Variants in DCC observed in about 807,000 individuals in gnomAD.
DCC encodes the protein DCC netrin 1 receptor.
DCC carries 58 observed loss-of-function variants against 172.5 expected under a neutral mutation model. That is an observed-to-expected ratio of 0.34 (90% CI 0.27 to 0.42). DCC has a LOEUF of 0.42. Among genes scored for constraint, DCC ranks in the 10% least tolerant of loss-of-function variants. DCC has a pLI of 1.00. For missense variants in DCC, 1,740 were observed against 1,791.0 expected (o/e 0.97, Z 0.51); for synonymous variants, 709 against 644.5 (o/e 1.10, Z -1.52).
intron 2 of DCC, among the ~76,000 whole-genome samples, chr18:52,879,412 C>CTGTTTTTTTTTTTTTTTTT (rs2039448314): frequency 1.6e-5 from 1 of 62,356 alleles, no homozygotes; most frequent in East Asian, 5.8e-4. Context: ...TGTTGTTTGG[C>CTGTTTTTTTTTTTTTTTTT]TTTTTTTTTT....
chr18:53,226,398 G>A (rs867265511), intron 12 of DCC, among the ~76,000 whole-genome samples: 16 of 152,006 alleles, frequency 1.1e-4, no homozygotes, highest in African/African-American at 2.4e-4. Context: ...CTGACTTTTC[G>A]GTTTTTTTCC....
At chr18:53,022,955 T>C (rs977781739) in intron 5 of DCC, among the ~76,000 whole-genome samples, 4 of 152,108 alleles carry the variant, frequency 2.6e-5, no homozygotes, top group African/African-American at 4.8e-5. Context: ...AAGTTTGAAG[T>C]AGGCAACGAA....
At chr18:53,229,545 A>G (rs2056090236) in intron 12 of DCC, among the ~76,000 whole-genome samples, 1 of 152,086 alleles carries the variant, frequency 6.6e-6, no homozygotes, top group Non-Finnish European at 1.5e-5. Flanking sequence ...ATCTCCTCCC[A>G]GCTCTGTTTT....
chr18:52,923,306 C>A (rs2145485242), intron 3 of DCC, among the ~76,000 whole-genome samples: 1 of 152,232 alleles, frequency 6.6e-6, no homozygotes. Flanking sequence ...TTCCAAGCCA[C>A]AGAAGCAATA....
intron 1 of DCC, among the ~76,000 whole-genome samples, chr18:52,723,863 C>T (rs2036511097): frequency 6.6e-6 from 1 of 152,188 alleles, no homozygotes; most frequent in Admixed American, 6.5e-5. Context: ...AGCTGACCCT[C>T]AGGCATCCTA....
chr18:52,559,051 T>C (rs1276760801), intron 1 of DCC, among the ~76,000 whole-genome samples: 1 of 152,224 alleles, frequency 6.6e-6, no homozygotes, highest in African/African-American at 2.4e-5. Context: ...CTACTGCTTT[T>C]GTTTTTCTTT....
intron 2 of DCC, among the ~76,000 whole-genome samples, chr18:52,773,217 T>G (rs1371324607): frequency 2.0e-5 from 3 of 152,226 alleles, no homozygotes; most frequent in Non-Finnish European, 4.4e-5. Context: ...ATTTATTCTT[T>G]AAGTTGGTTA....
chr18:52,784,930 G>A (rs913922283), intron 2 of DCC, among the ~76,000 whole-genome samples: 4 of 138,502 alleles, frequency 2.9e-5, no homozygotes, highest in East Asian at 4.3e-4. Flanking sequence ...GAGAAGAGAA[G>A]GGGGGAGAGA....
chr18:52,739,785 C>A (rs946649505), intron 1 of DCC, among the ~76,000 whole-genome samples: 1 of 152,188 alleles, frequency 6.6e-6, no homozygotes, highest in African/African-American at 2.4e-5. Context: ...AGGTACTAAC[C>A]AAGAGCTTTC....
At chr18:53,036,134 C>T (rs1377724197) in intron 5 of DCC, among the ~76,000 whole-genome samples, 2 of 151,832 alleles carry the variant, frequency 1.3e-5, no homozygotes, top group Non-Finnish European at 2.9e-5. Context: ...TCATTTCAAG[C>T]TTAAAAACAC....
chr18:53,085,640 G>A (rs56291441), intron 7 of DCC, among the ~76,000 whole-genome samples: 22,740 of 151,904 alleles, frequency 0.15, 1,958 homozygotes, highest in African/African-American at 0.23. Context: ...CTATGTTACA[G>A]GGCTGACTTC....
intron 2 of DCC, among the ~76,000 whole-genome samples, chr18:52,759,872 C>T (rs1455428253): frequency 6.6e-6 from 1 of 151,960 alleles, no homozygotes; most frequent in South Asian, 2.1e-4. Flanking sequence ...AAATGAAGAC[C>T]CAAACCCCTA....
At chr18:52,857,677 G>C (rs1363860752) in intron 2 of DCC, among the ~76,000 whole-genome samples, 1 of 151,982 alleles carries the variant, frequency 6.6e-6, no homozygotes, top group Non-Finnish European at 1.5e-5. Context: ...TGTGAGAATT[G>C]ATCTCTTCTC....
At chr18:52,629,402 T>C (rs773913400) in intron 1 of DCC, among the ~76,000 whole-genome samples, 3 of 152,166 alleles carry the variant, frequency 2.0e-5, no homozygotes, top group Non-Finnish European at 4.4e-5. Context: ...CCTATGGAAA[T>C]GTGGGCATTA....
At chr18:52,889,990 T>A (rs2145419511) in intron 2 of DCC, among the ~76,000 whole-genome samples, 1 of 152,254 alleles carries the variant, frequency 6.6e-6, no homozygotes, top group East Asian at 1.9e-4. Context: ...AAATATAGAG[T>A]ACTATATCTG....
chr18:52,397,863 A>G (rs1986289756), intron 1 of DCC, among the ~76,000 whole-genome samples: 3 of 152,118 alleles, frequency 2.0e-5, no homozygotes, highest in East Asian at 1.9e-4. Context: ...GGCTCTGGAT[A>G]TATCTGATGG....
At chr18:52,874,616 C>A (rs1040422189) in intron 2 of DCC, among the ~76,000 whole-genome samples, 2 of 152,100 alleles carry the variant, frequency 1.3e-5, no homozygotes, top group African/African-American at 4.8e-5. Context: ...CTATTGCTAT[C>A]ACACATGTTC....
intron 1 of DCC, among the ~76,000 whole-genome samples, chr18:52,385,072 G>A (rs1046619435): frequency 6.6e-6 from 1 of 152,044 alleles, no homozygotes; most frequent in Non-Finnish European, 1.5e-5. Flanking sequence ...ATGCCTTCTA[G>A]GGTGATAAAA....
At chr18:53,468,144 A>G (rs1370213684) in intron 25 of DCC, 134 bp downstream of exon 25, 1 of 680,912 alleles carries the variant, frequency 1.5e-6, no homozygotes, top group Non-Finnish European at 2.7e-6. Context: ...AGGAATGACT[A>G]AAACCGTATC....
Sources: gnomAD v4.1 joint callset for allele counts (sites outside exome capture counted in the v4.1 genomes callset) on GRCh38, gnomAD v4.1.1 for gene constraint, MANE v1.5 for transcripts, NCBI Gene and HGNC (gene_info 2026-07-23, HGNC 2026-07-21) for gene names.